Variants in AGBL4 observed in about 807,000 individuals in gnomAD.
AGBL4 encodes the protein AGBL carboxypeptidase 4.
A neutral mutation model predicts 66.4 loss-of-function variants in AGBL4; 58 were observed. The observed-to-expected ratio is 0.87, with a 90% CI of 0.71 to 1.09. The LOEUF (loss-of-function observed/expected upper bound fraction) is 1.09, where lower values mean the gene tolerates loss of function less well. Among genes scored for constraint, AGBL4 ranks in the 50% least tolerant of loss-of-function variants. The probability of loss-of-function intolerance (pLI) is 0.00; values close to 1 mark genes in which losing one functional copy is unlikely to be tolerated. For missense variants in AGBL4, 579 were observed against 631.0 expected (o/e 0.92, Z 0.88); for synonymous variants, 234 against 222.9 (o/e 1.05, Z -0.44).
intron 8 of AGBL4, among the ~76,000 whole-genome samples, chr1:48,641,201 A>T (rs1359356018): frequency 6.6e-6 from 1 of 152,186 alleles, no homozygotes; most frequent in Non-Finnish European, 1.5e-5. Context: ...GTTGGGATTC[A>T]ATTGCCCTTG....
intron 3 of AGBL4, among the ~76,000 whole-genome samples, chr1:49,409,149 GCTCTCT>G (rs373757168): frequency 6.8e-6 from 1 of 146,066 alleles, no homozygotes; most frequent in African/African-American, 2.5e-5. Context: ...ACTCTCTCTG[GCTCTCT>G]CTCTCTCTCT....
At chr1:49,020,099 TA>T (rs2149020066) in intron 5 of AGBL4, among the ~76,000 whole-genome samples, 1 of 152,328 alleles carries the variant, frequency 6.6e-6, no homozygotes, top group African/African-American at 2.4e-5. Context: ...ATAATGTTCT[TA>T]ATTTGGTAAT....
intron 3 of AGBL4, among the ~76,000 whole-genome samples, chr1:49,593,146 C>T (rs1380076269): frequency 2.0e-5 from 3 of 152,154 alleles, no homozygotes; most frequent in Admixed American, 6.6e-5. Context: ...CGGTGTCTCA[C>T]GCCTGTAATC....
chr1:49,391,994 C>A (rs1015721216), intron 3 of AGBL4, among the ~76,000 whole-genome samples: 3 of 152,070 alleles, frequency 2.0e-5, no homozygotes, highest in African/African-American at 7.2e-5. Context: ...TGTGTGTAAC[C>A]TCTCTTCTGA....
chr1:48,995,410 C>T (rs1244809637), intron 5 of AGBL4, among the ~76,000 whole-genome samples: 1 of 152,188 alleles, frequency 6.6e-6, no homozygotes, highest in Non-Finnish European at 1.5e-5. Context: ...TGAATGTTTA[C>T]TAAGTGCTGG....
chr1:49,396,438 G>T (rs1644976999), intron 3 of AGBL4, among the ~76,000 whole-genome samples: 2 of 152,130 alleles, frequency 1.3e-5, no homozygotes, highest in South Asian at 4.1e-4. Context: ...AGTAGTGGAA[G>T]AAGTGAAATA....
chr1:49,064,653 C>A lies in AGBL4; in HGVS notation c.378-18853G>T, dbSNP rs72895677. The stretch of plus-strand genomic sequence containing the variant: ...AAATTAAAGAAATTGTATCTTAATA[C>A]TTATACCTAACCAAAATAATTGGAG... On this transcript the variant is annotated intron_variant, in intron 4 of 13. Coordinates refer to ENST00000371839, the MANE Select transcript of AGBL4 (RefSeq NM_032785.4). Among the ~76,000 whole-genome samples, 338 of 152,196 alleles carry A rather than the reference C, an allele frequency of 2.2e-3. 2 individuals are homozygous for A. The highest frequency in any genetic ancestry group is 7.8e-3 in the African/African-American group (325 of 41,534).
At chr1:49,294,718 C>T (rs889007770) in intron 3 of AGBL4, among the ~76,000 whole-genome samples, 2 of 152,184 alleles carry the variant, frequency 1.3e-5, no homozygotes, top group African/African-American at 2.4e-5. Flanking sequence ...CTCTAGAATG[C>T]TTTTCCTCCT....
At chr1:48,765,406 A>G (rs1047806210) in intron 6 of AGBL4, among the ~76,000 whole-genome samples, 5 of 152,332 alleles carry the variant, frequency 3.3e-5, no homozygotes, top group Middle Eastern at 6.8e-3. Context: ...AATCAAAAAT[A>G]AAAGGAAAAT....
At chr1:49,137,270 T>C (rs1220584461) in intron 4 of AGBL4, among the ~76,000 whole-genome samples, 8 of 152,132 alleles carry the variant, frequency 5.3e-5, no homozygotes, top group African/African-American at 1.7e-4. Flanking sequence ...CCTATGCTAT[T>C]AACATGACAC....
intron 2 of AGBL4, among the ~76,000 whole-genome samples, chr1:49,721,615 G>A (rs1210632832): frequency 6.6e-6 from 1 of 152,214 alleles, no homozygotes; most frequent in African/African-American, 2.4e-5. Context: ...ATTATTAAAA[G>A]GTTTCTCTAG....
At chr1:49,772,180 A>G (rs1486478803) in intron 2 of AGBL4, among the ~76,000 whole-genome samples, 1 of 152,140 alleles carries the variant, frequency 6.6e-6, no homozygotes, top group Non-Finnish European at 1.5e-5. Flanking sequence ...CGGGCCTAAC[A>G]TAAAGAGTCT....
intron 1 of AGBL4, among the ~76,000 whole-genome samples, chr1:49,985,254 A>G (rs905659342): frequency 1.3e-5 from 2 of 152,214 alleles, no homozygotes; most frequent in African/African-American, 4.8e-5. Flanking sequence ...ATAAAAATTG[A>G]AATTATTTTT....
At chr1:49,367,310 T>C (rs1359493079) in intron 3 of AGBL4, among the ~76,000 whole-genome samples, 1 of 152,200 alleles carries the variant, frequency 6.6e-6, no homozygotes, top group African/African-American at 2.4e-5. Flanking sequence ...TGATTTATCA[T>C]GCTATTACTT....
chr1:49,005,995 C>G (rs923421212), intron 5 of AGBL4, among the ~76,000 whole-genome samples: 3 of 151,344 alleles, frequency 2.0e-5, no homozygotes, highest in Non-Finnish European at 4.4e-5. Context: ...AGTGAGACTC[C>G]GTCTCAAAAA....
chr1:48,611,134 C>T lies in AGBL4; in HGVS notation c.952-20149G>A, dbSNP rs538289191. ...CCAGCTCTGTCAGCTGCCCTGATAT[C>T]TGTTTGTGAAAAACGGATAGGCCGC... On this transcript the variant is annotated intron_variant, in intron 9 of 13. Transcript: ENST00000371839. 3.3e-4 allele frequency among the ~76,000 whole-genome samples: 51 copies of T among 152,376 alleles called. 1 individual carries two copies. The South Asian group carries it at 0.01, about 31-fold the overall frequency.
At chr1:49,914,146 G>A (rs987742761) in intron 1 of AGBL4, among the ~76,000 whole-genome samples, 2 of 152,162 alleles carry the variant, frequency 1.3e-5, no homozygotes, top group African/African-American at 4.8e-5. Context: ...TTGCCAGGCT[G>A]TGAATTTTCC....
chr1:49,407,740 G>A (rs1380971410), intron 3 of AGBL4, among the ~76,000 whole-genome samples: 1 of 152,038 alleles, frequency 6.6e-6, no homozygotes, highest in Non-Finnish European at 1.5e-5. Flanking sequence ...AAATATGAAT[G>A]CTCAAATAAT....
At chr1:49,886,418 T>A (rs1648045357) in intron 1 of AGBL4, among the ~76,000 whole-genome samples, 1 of 152,004 alleles carries the variant, frequency 6.6e-6, no homozygotes, top group Non-Finnish European at 1.5e-5. Context: ...AAAAAGTAGC[T>A]AGATCATGGA....
Sources: allele counts gnomAD v4.1 joint callset (sites outside exome capture counted in the v4.1 genomes callset), GRCh38; gene constraint gnomAD v4.1.1; transcripts MANE v1.5; gene names NCBI Gene and HGNC (gene_info 2026-07-23, HGNC 2026-07-21).